PNKD: variants seen among roughly 807,000 people sequenced by gnomAD.
PNKD encodes the protein probable thioesterase PNKD.
Under a neutral mutation model 45.3 loss-of-function variants are expected in PNKD, and 36 were observed. The observed-to-expected ratio is 0.80, with a 90% CI of 0.61 to 1.05. The LOEUF (loss-of-function observed/expected upper bound fraction) is 1.05. Among genes scored for constraint, PNKD ranks in the 50% least tolerant of loss-of-function variants. PNKD has a pLI of 0.00. For missense variants in PNKD, 511 were observed against 506.6 expected (o/e 1.01, Z -0.08); for synonymous variants, 197 against 210.1 (o/e 0.94, Z 0.54).
chr2:218,297,399 T>A (rs1693165138), intron 2 of PNKD, among the ~76,000 whole-genome samples: 1 of 152,158 alleles, frequency 6.6e-6, no homozygotes. Flanking sequence ...GAAATCACAC[T>A]GTGGCTGGTC....
chr2:218,295,844 C>CTT (rs150599792), intron 2 of PNKD, among the ~76,000 whole-genome samples: 3 of 128,990 alleles, frequency 2.3e-5, no homozygotes, highest in African/African-American at 5.6e-5. Flanking sequence ...AACAACAAAC[C>CTT]TTTTTTTTTT....
At chr2:218,323,386 G>A in intron 2 of PNKD, 1 of 1,577,600 alleles carries the variant, frequency 6.3e-7, no homozygotes. Context: ...CGGGGCCTCC[G>A]CGGTCTGCTC....
At chr2:218,284,495 G>A (rs1692339786) in intron 2 of PNKD, among the ~76,000 whole-genome samples, 1 of 152,244 alleles carries the variant, frequency 6.6e-6, no homozygotes, top group Non-Finnish European at 1.5e-5. Context: ...GCCTCGGATG[G>A]GCCACGGGGA....
At chr2:218,337,168 G>A (rs1426009069) in intron 2 of PNKD, among the ~76,000 whole-genome samples, 1 of 149,696 alleles carries the variant, frequency 6.7e-6, no homozygotes, top group East Asian at 2.0e-4. Context: ...GTGCAGTGGT[G>A]AGATCTCGGC....
chr2:218,329,373 A>T (rs1694253092), intron 2 of PNKD, among the ~76,000 whole-genome samples: 2 of 152,248 alleles, frequency 1.3e-5, no homozygotes. Context: ...GGGGAAAGCC[A>T]CAAGAAACAA....
intron 2 of PNKD, chr2:218,275,891 C>G: frequency 9.0e-7 from 1 of 1,115,834 alleles, no homozygotes; most frequent in South Asian, 1.5e-5. Flanking sequence ...AATGGAATCT[C>G]TGGACAGTAG....
intron 2 of PNKD, among the ~76,000 whole-genome samples, chr2:218,297,413 G>A (rs897674831): frequency 1.3e-5 from 2 of 152,200 alleles, no homozygotes; most frequent in African/African-American, 4.8e-5. Flanking sequence ...GCTGGTCACA[G>A]TGGTTCATGC....
chr2:218,318,026 C>A (rs1183748700), intron 2 of PNKD: 1 of 152,454 alleles, frequency 6.6e-6, no homozygotes, highest in Non-Finnish European at 1.5e-5. Context: ...TCATCATCAT[C>A]ACCACCAGTG....
At chr2:218,279,610 A>C in intron 2 of PNKD, 2 of 495,934 alleles carry the variant, frequency 4.0e-6, no homozygotes, top group Non-Finnish European at 3.6e-6. Flanking sequence ...TGGCCACCAT[A>C]CTCTACCAGT....
chr2:218,273,661 T>C (rs1341502926), intron 2 of PNKD, among the ~76,000 whole-genome samples: 2 of 137,414 alleles, frequency 1.5e-5, no homozygotes, highest in African/African-American at 5.2e-5. Context: ...TTTTTTTTTT[T>C]TGTACTTTTA....
chr2:218,275,805 C>T (rs1296192289), intron 2 of PNKD, among the ~76,000 whole-genome samples: 1 of 152,158 alleles, frequency 6.6e-6, no homozygotes, highest in African/African-American at 2.4e-5. Context: ...GCAGACACAC[C>T]GTTCTCAATA....
chr2:218,297,667 A>G (rs1460248803), intron 2 of PNKD, among the ~76,000 whole-genome samples: 20 of 144,428 alleles, frequency 1.4e-4, no homozygotes, highest in Non-Finnish European at 2.0e-4. Flanking sequence ...CCTGGGCAAC[A>G]GAAAAAGACT....
intron 2 of PNKD, among the ~76,000 whole-genome samples, chr2:218,293,448 C>T (rs1324072595): frequency 2.0e-5 from 3 of 152,132 alleles, no homozygotes; most frequent in Non-Finnish European, 4.4e-5. Context: ...CCGAGCCTTG[C>T]CTGAGTTTCT....
At chr2:218,275,647 G>A in intron 2 of PNKD, 1 of 1,599,258 alleles carries the variant, frequency 6.3e-7, no homozygotes, top group Non-Finnish European at 8.5e-7. Context: ...AGCCAGAAGT[G>A]AGAACTCAGG....
chr2:218,308,777 G>C (rs909821348), intron 2 of PNKD, among the ~76,000 whole-genome samples: 1 of 151,206 alleles, frequency 6.6e-6, no homozygotes, highest in Non-Finnish European at 1.5e-5. Context: ...AGTAGACAGG[G>C]TTTCACCATG....
chr2:218,311,441 C>G (rs148260430), intron 2 of PNKD, among the ~76,000 whole-genome samples: 2 of 152,036 alleles, frequency 1.3e-5, no homozygotes, highest in South Asian at 2.1e-4. Flanking sequence ...ACTATCTTAG[C>G]GAGGGGAGTG....
intron 2 of PNKD, among the ~76,000 whole-genome samples, chr2:218,298,106 CACATGGCGGATGTTGATGGTG>C (rs1693191817): frequency 6.6e-6 from 1 of 152,030 alleles, no homozygotes; most frequent in East Asian, 1.9e-4. Context: ...GTGAGAAAGG[CACATGGCGGATGTTGATGGTG>C]ACTGAAACTG....
At chr2:218,322,754 CAGGA>C (rs1205922391) in intron 2 of PNKD, among the ~76,000 whole-genome samples, 1 of 152,256 alleles carries the variant, frequency 6.6e-6, no homozygotes, top group Non-Finnish European at 1.5e-5. Flanking sequence ...CTGTGGGCTC[CAGGA>C]ATGCAGACAG....
rs1332816760 is a variant in PNKD at position 218,315,045 on chromosome 2, T to C, written c.237-24738T>C. Reference sequence around the variant, plus strand: ...CTTTCTTTCTTTCTTTCTTTTTCTTTCTTTCTTTCTTTCTTCCTTCCTTCC... The same window carrying C: ...CTTTCTTTCTTTCTTTCTTTTTCTTCCTTTCTTTCTTTCTTCCTTCCTTCC... On this transcript the variant is annotated intron_variant, in intron 2 of 9. Transcript: ENST00000273077. Among the ~76,000 whole-genome samples the C allele has an allele frequency of 9.7e-4, 60 of 62,048 alleles. 7 individuals carry two copies. The South Asian group carries it at 0.023, about 24-fold the overall frequency. 40.7% of individuals were successfully genotyped at this position (62,048 alleles called of 152,430 possible).
Sources: gnomAD v4.1 joint callset for allele counts (sites outside exome capture counted in the v4.1 genomes callset) on GRCh38, gnomAD v4.1.1 for gene constraint, MANE v1.5 for transcripts, NCBI Gene and HGNC (gene_info 2026-07-23, HGNC 2026-07-21) for gene names.